Variants in CNBD1 observed in about 807,000 individuals in gnomAD.
CNBD1 encodes the protein cyclic nucleotide-binding domain-containing protein 1.
A neutral mutation model predicts 54.4 loss-of-function variants in CNBD1; 71 were observed. That is an observed-to-expected ratio of 1.30 (90% CI 1.08 to 1.59). CNBD1 has a LOEUF of 1.59. CNBD1 is among the 40% of genes most tolerant of loss of function. The pLI is 0.00. For missense variants in CNBD1, 659 were observed against 518.0 expected (o/e 1.27, Z -2.64); for synonymous variants, 182 against 170.7 (o/e 1.07, Z -0.51).
intron 4 of CNBD1, among the ~76,000 whole-genome samples, chr8:87,141,312 G>A (rs1812365079): frequency 6.6e-6 from 1 of 152,108 alleles, no homozygotes; most frequent in Admixed American, 6.6e-5. Context: ...CTTAATGGAA[G>A]TATAAGAGTT....
chr8:87,092,419 ATGTATGTATGTATGTGTGTG>A (rs1002621402), intron 4 of CNBD1, among the ~76,000 whole-genome samples: 2 of 79,380 alleles, frequency 2.5e-5, no homozygotes, highest in African/African-American at 8.1e-5. Context: ...ATGTGTGTGT[ATGTATGTATGTATGTGTGTG>A]TGTATATATA....
chr8:87,413,159 G>A (rs181951544), intron 2 of CNBD1, among the ~76,000 whole-genome samples: 7 of 152,146 alleles, frequency 4.6e-5, no homozygotes, highest in South Asian at 4.1e-4. Context: ...TTGTGGGAAC[G>A]TGGCTTGTGG....
intron 4 of CNBD1, among the ~76,000 whole-genome samples, chr8:87,066,721 A>G (rs780738898): frequency 6.6e-6 from 1 of 151,962 alleles, no homozygotes; most frequent in Non-Finnish European, 1.5e-5. Context: ...AGAATTTTAT[A>G]AATTCTGTAA....
chr8:87,022,540 A>C (rs1436018367), intron 4 of CNBD1, among the ~76,000 whole-genome samples: 3 of 152,186 alleles, frequency 2.0e-5, no homozygotes, highest in African/African-American at 7.2e-5. Flanking sequence ...AAATGAAAAT[A>C]CTGGAAGCTT....
At chr8:87,053,906 C>A (rs1810361384) in intron 4 of CNBD1, among the ~76,000 whole-genome samples, 1 of 152,192 alleles carries the variant, frequency 6.6e-6, no homozygotes, top group African/African-American at 2.4e-5. Flanking sequence ...AAACATAAAA[C>A]CCCTCTTTCT....
At chr8:87,078,228 G>A (rs941099237) in intron 4 of CNBD1, among the ~76,000 whole-genome samples, 28 of 152,226 alleles carry the variant, frequency 1.8e-4, no homozygotes, top group African/African-American at 6.3e-4. Context: ...ATAAGACTAG[G>A]TGGGCTGTCC....
chr8:87,071,977 TA>T (rs773979018), intron 4 of CNBD1, among the ~76,000 whole-genome samples: 5 of 152,196 alleles, frequency 3.3e-5, no homozygotes, highest in Non-Finnish European at 7.4e-5. Context: ...GAACTTGCTT[TA>T]TGAATCTGGG....
At chr8:86,870,954 A>G (rs974020265) in intron 1 of CNBD1, among the ~76,000 whole-genome samples, 3 of 152,224 alleles carry the variant, frequency 2.0e-5, no homozygotes, top group East Asian at 1.9e-4. Context: ...ATTCAGAAGT[A>G]TTGAAAAATT....
chr8:87,401,303 C>G (rs1302158648), intron 2 of CNBD1, among the ~76,000 whole-genome samples: 1 of 151,956 alleles, frequency 6.6e-6, no homozygotes, highest in Non-Finnish European at 1.5e-5. Context: ...CCTAAATTTA[C>G]ATCAAAATCA....
At chr8:87,252,707 T>G (rs1002789317) in intron 6 of CNBD1, among the ~76,000 whole-genome samples, 6 of 152,176 alleles carry the variant, frequency 3.9e-5, no homozygotes, top group African/African-American at 1.4e-4. Flanking sequence ...GATTTTTTCT[T>G]GCCTCTAAAG....
At chr8:87,324,394 G>T (rs549498809) in intron 8 of CNBD1, among the ~76,000 whole-genome samples, 6 of 127,258 alleles carry the variant, frequency 4.7e-5, no homozygotes, top group Admixed American at 4.6e-4. Flanking sequence ...GTTCCTCCTT[G>T]TACCTCTGAT....
At chr8:87,395,412 A>G (rs1400393416) in intron 2 of CNBD1, among the ~76,000 whole-genome samples, 1 of 151,964 alleles carries the variant, frequency 6.6e-6, no homozygotes, top group Admixed American at 6.6e-5. Flanking sequence ...CATATGTTAT[A>G]TAATATATTG....
chr8:87,362,551 C>A (rs1810543978), intron 10 of CNBD1, among the ~76,000 whole-genome samples: 2 of 151,978 alleles, frequency 1.3e-5, no homozygotes, highest in Admixed American at 1.3e-4. Flanking sequence ...GATTTTTAAT[C>A]ATAACCTTAT....
Position 87,182,105 on chromosome 8 carries a change from T to C in CNBD1, c.432-23888T>C, listed in dbSNP as rs1563498347. 6.6e-6 allele frequency among the ~76,000 whole-genome samples: 1 copy of C among 152,204 alleles called. No homozygotes were observed. Among genetic ancestry groups the C allele is most frequent in the African/African-American group, 2.4e-5 (1 of 41,456 alleles). ...CTTTTCCCATCTTTGTGTTCATGTG[T>C]ACTCAATATTTAGTTCCCATTTATA... On this transcript the variant is annotated intron_variant, in intron 4 of 10. Transcript: ENST00000518476. The surrounding 1 kb of genome is among the most constrained non-coding windows in gnomAD (Gnocchi z 4.1).
At chr8:87,337,391 C>T (rs1429074134) in intron 8 of CNBD1, among the ~76,000 whole-genome samples, 1 of 152,190 alleles carries the variant, frequency 6.6e-6, no homozygotes, top group Non-Finnish European at 1.5e-5. Flanking sequence ...TGTCCCTGAG[C>T]TTCTAGCTGG....
intron 4 of CNBD1, among the ~76,000 whole-genome samples, chr8:87,111,383 C>T (rs1811658199): frequency 6.6e-6 from 1 of 152,216 alleles, no homozygotes; most frequent in African/African-American, 2.4e-5. Flanking sequence ...TATCTGATCT[C>T]ATAATGTCGT....
At chr8:87,302,751 C>G (rs1367925086) in intron 8 of CNBD1, among the ~76,000 whole-genome samples, 1 of 151,942 alleles carries the variant, frequency 6.6e-6, no homozygotes, top group African/African-American at 2.4e-5. Context: ...CATCTCAGCC[C>G]AAAATCTCCT....
At position 86,929,392 on chromosome 8, in the gene CNBD1, C is replaced by T. The variant is rs753879848; in HGVS notation, c.273-10204C>T. On this transcript the variant is annotated intron_variant, in intron 3 of 10. Coordinates refer to ENST00000518476, the MANE Select transcript of CNBD1 (RefSeq NM_173538.3). ...AGCACCAGTAGTTCTGCTAACTGGGCGCTGGTCCCTGGGGGAAGAGGCTTA... is the reference window on the plus strand; with the variant it reads ...AGCACCAGTAGTTCTGCTAACTGGGTGCTGGTCCCTGGGGGAAGAGGCTTA... 1.6e-3 allele frequency among the ~76,000 whole-genome samples: 238 copies of T among 152,156 alleles called. 1 individual carries two copies. The highest frequency in any genetic ancestry group is 2.2e-3 in the Non-Finnish European group (150 of 68,026).
intron 4 of CNBD1, among the ~76,000 whole-genome samples, chr8:86,977,654 C>T (rs1371614477): frequency 4.6e-5 from 7 of 151,972 alleles, no homozygotes; most frequent in Non-Finnish European, 1.0e-4. Flanking sequence ...CAGATAAATT[C>T]CTGGAAAAAT....
Sources: allele counts gnomAD v4.1 joint callset (sites outside exome capture counted in the v4.1 genomes callset), GRCh38; gene constraint gnomAD v4.1.1; non-coding constraint Gnocchi (gnomAD v3.1); transcripts MANE v1.5; gene names NCBI Gene and HGNC (gene_info 2026-07-23, HGNC 2026-07-21).